PDE1C: variants seen among roughly 807,000 people sequenced by gnomAD.
PDE1C encodes the protein dual specificity calcium/calmodulin-dependent 3',5'-cyclic nucleotide phosphodiesterase 1C.
A neutral mutation model predicts 93.1 loss-of-function variants in PDE1C; 62 were observed. The ratio of observed to expected loss-of-function variants is 0.67; its 90% CI spans 0.54 to 0.82. PDE1C has a LOEUF of 0.82. Ranked by LOEUF, PDE1C falls within the 40% of genes least tolerant of loss-of-function variation. The probability of loss-of-function intolerance (pLI) is 0.00; values close to 1 mark genes in which losing one functional copy is unlikely to be tolerated. For synonymous variants in PDE1C, 325 were observed against 310.1 expected (o/e 1.05, Z -0.50); for missense variants, 742 against 884.6 (o/e 0.84, Z 2.04).
the PDE1C span, among the ~76,000 whole-genome samples, chr7:31,705,158 T>TG: frequency 6.6e-6 from 1 of 152,218 alleles, no homozygotes; most frequent in Admixed American, 6.5e-5. Context: ...GGGCTGGCTG[T>TG]GATGATTTAA....
intron 1 of PDE1C, among the ~76,000 whole-genome samples, chr7:32,266,224 G>A (rs1810561699): frequency 6.6e-6 from 1 of 152,104 alleles, no homozygotes; most frequent in Non-Finnish European, 1.5e-5. Flanking sequence ...ACAGCTTGCA[G>A]TGAGCCGAGA....
chr7:31,681,398 T>C, the PDE1C span, among the ~76,000 whole-genome samples: 1 of 151,826 alleles, frequency 6.6e-6, no homozygotes, highest in Admixed American at 6.6e-5. Flanking sequence ...GATGGATGGA[T>C]GGATGGATGG....
At chr7:32,248,329 G>A (rs890891076) in intron 1 of PDE1C, among the ~76,000 whole-genome samples, 3 of 152,138 alleles carry the variant, frequency 2.0e-5, no homozygotes, top group South Asian at 2.1e-4. Flanking sequence ...TTCAAAGAAC[G>A]TGCACCAAGA....
chr7:31,865,943 T>C (rs950953179), intron 6 of PDE1C, among the ~76,000 whole-genome samples: 1 of 152,194 alleles, frequency 6.6e-6, no homozygotes, highest in African/African-American at 2.4e-5. Flanking sequence ...AATACTTCAG[T>C]CTTTATTTGC....
At chr7:31,738,147 A>G in the PDE1C span, among the ~76,000 whole-genome samples, 1 of 152,254 alleles carries the variant, frequency 6.6e-6, no homozygotes, top group East Asian at 1.9e-4. Context: ...CCAGTGCGAG[A>G]CCCAGGAAGA....
intron 1 of PDE1C, among the ~76,000 whole-genome samples, chr7:32,217,030 G>C (rs746267195): frequency 3.9e-5 from 6 of 152,232 alleles, no homozygotes; most frequent in Non-Finnish European, 8.8e-5. Flanking sequence ...TCTTTGTTGA[G>C]GTGGGCAAAG....
chr7:32,176,216 T>A (rs1802976856), intron 2 of PDE1C, among the ~76,000 whole-genome samples: 1 of 152,166 alleles, frequency 6.6e-6, no homozygotes, highest in African/African-American at 2.4e-5. Context: ...TGGATTGCTA[T>A]GCCACTGACT....
At chr7:32,193,489 G>T (rs1488115578) in intron 2 of PDE1C, among the ~76,000 whole-genome samples, 1 of 152,112 alleles carries the variant, frequency 6.6e-6, no homozygotes, top group East Asian at 1.9e-4. Flanking sequence ...TGCATCCATA[G>T]AATTAACCCT....
At chr7:31,899,437 C>T (rs902370086) in intron 2 of PDE1C, among the ~76,000 whole-genome samples, 3 of 152,090 alleles carry the variant, frequency 2.0e-5, no homozygotes, top group African/African-American at 7.2e-5. Flanking sequence ...CCACTGCGCC[C>T]GGCCGGACAG....
intron 1 of PDE1C, among the ~76,000 whole-genome samples, chr7:32,408,785 T>C (rs139823427): frequency 6.8e-4 from 104 of 151,958 alleles, no homozygotes; most frequent in African/African-American, 2.5e-3. Flanking sequence ...CGAGACTCTG[T>C]CTCAAAAAAA....
chr7:31,850,963 T>C (rs925154108), intron 7 of PDE1C: 1 of 480,232 alleles, frequency 2.1e-6, no homozygotes, highest in Non-Finnish European at 3.8e-6. Context: ...AGCTAAGTAG[T>C]AGTTTTATCT....
At chr7:31,983,838 C>T (rs141918743) in intron 2 of PDE1C, among the ~76,000 whole-genome samples, 22 of 152,194 alleles carry the variant, frequency 1.4e-4, no homozygotes, top group African/African-American at 5.3e-4. Context: ...AATTTCAAGA[C>T]GGCAACATGA....
In PDE1C at chr7:31,846,334, C is replaced by A. The variant is rs188653148; in HGVS notation, c.980+1634G>T. Among the ~76,000 whole-genome samples, 739 of 148,932 alleles carry A rather than the reference C, an allele frequency of 5.0e-3. 7 individuals are homozygous for A. Among genetic ancestry groups the A allele is most frequent in the African/African-American group, 0.015 (588 of 40,448 alleles). On this transcript the variant is annotated intron_variant, in intron 9 of 17. Coordinates refer to ENST00000396191, the MANE Select transcript of PDE1C (RefSeq NM_001191057.4). Reference sequence around the variant, plus strand: ...CCTCAGAAATAATAGCACACATATACAACCATCTGATCTTTGAAAAGCCTG... The same window carrying A: ...CCTCAGAAATAATAGCACACATATAAAACCATCTGATCTTTGAAAAGCCTG...
chr7:32,169,851 T>C, exon 3 of PDE1C: 2 of 1,612,654 alleles, frequency 1.2e-6, no homozygotes, highest in Non-Finnish European at 1.7e-6. Flanking sequence ...TAGGATCTCC[T>C]CTGGGGGTCG....
intron 1 of PDE1C, among the ~76,000 whole-genome samples, chr7:32,214,400 CAT>C (rs1385419078): frequency 6.6e-6 from 1 of 152,122 alleles, no homozygotes; most frequent in Non-Finnish European, 1.5e-5. Flanking sequence ...CCTGGACACA[CAT>C]TGGAATCACC....
At chr7:31,943,519 G>A (rs190489768) in intron 2 of PDE1C, among the ~76,000 whole-genome samples, 2 of 152,248 alleles carry the variant, frequency 1.3e-5, no homozygotes, top group African/African-American at 2.4e-5. Flanking sequence ...ATACCTAGAG[G>A]TTTTAGAGTC....
intron 17 of PDE1C, among the ~76,000 whole-genome samples, chr7:31,761,487 T>C (rs553509988): frequency 3.9e-5 from 6 of 152,300 alleles, no homozygotes; most frequent in African/African-American, 1.4e-4. Context: ...AGAGTTCTCT[T>C]AAATAACTGC....
chr7:31,640,455 T>C, the PDE1C span, among the ~76,000 whole-genome samples: 1 of 152,230 alleles, frequency 6.6e-6, no homozygotes, highest in Non-Finnish European at 1.5e-5. Context: ...TCAGTCTTTT[T>C]GGACTCCTAG....
chr7:32,373,930 T>A (rs939093000), intron 1 of PDE1C, among the ~76,000 whole-genome samples: 1 of 151,748 alleles, frequency 6.6e-6, no homozygotes, highest in Admixed American at 6.6e-5. Context: ...GAGGTTGCAG[T>A]GAGCCAAAGT....
Sources: gnomAD v4.1 joint callset for allele counts (sites outside exome capture counted in the v4.1 genomes callset) on GRCh38, gnomAD v4.1.1 for gene constraint, MANE v1.5 for transcripts, NCBI Gene and HGNC (gene_info 2026-07-23, HGNC 2026-07-21) for gene names.